The following LRP5 variants were observed in gnomAD, a reference collection of about 807,000 sequenced individuals.
LRP5 encodes low-density lipoprotein receptor-related protein 5.
Under a neutral mutation model 154.1 loss-of-function variants are expected in LRP5, and 62 were observed. The observed-to-expected ratio is 0.40, with a 90% CI of 0.33 to 0.50. The LOEUF is 0.50. Among genes scored for constraint, LRP5 ranks in the 20% least tolerant of loss-of-function variants. LRP5 has a pLI of 0.55. For synonymous variants in LRP5, 966 were observed against 1,011.5 expected, an observed-to-expected ratio of 0.96 and a Z score of 0.85; for missense variants, 1,915 against 2,336.7, an observed-to-expected ratio of 0.82 and a Z score of 3.72.
chr11:68,386,469 C>A lies in LRP5; in HGVS notation c.1169C>A (p.Thr390Lys), dbSNP rs2098643093. The part of the protein sequence containing the change: ...YDPLEGYVYW[T>K]DDEVRAIRRA... Reference sequence around the variant, plus strand: ...CCGCTAGAGGGCTATGTCTACTGGACAGATGACGAGGTGCGGGCCATCCGC... The same window carrying A: ...CCGCTAGAGGGCTATGTCTACTGGAAAGATGACGAGGTGCGGGCCATCCGC... Residue 390 changes from threonine (T) to lysine (K), a missense_variant, in exon 6 of 23, where the codon ACA (threonine) becomes AAA (lysine). Around this residue, in one of 3 missense-constraint regions of LRP5, gnomAD observed 773 missense variants for 1,100.9 expected, o/e 0.70. Coordinates refer to ENST00000294304, the MANE Select transcript of LRP5 (RefSeq NM_002335.4). This position sits in a 1 kb window ranked among gnomAD's most constrained non-coding sequence, Gnocchi z 7.9. 1 of 1,614,002 alleles carries A rather than the reference C, an allele frequency of 6.2e-7. No homozygotes were observed. The highest frequency in any genetic ancestry group is 1.7e-5 in the Admixed American group (1 of 60,014).
chr11:68,384,917 C>T (rs541755485), intron 5 of LRP5, among the ~76,000 whole-genome samples: 19 of 152,304 alleles, frequency 1.2e-4, no homozygotes, highest in South Asian at 6.2e-4. Flanking sequence ...CCGTCCACAG[C>T]GGATCCCTGG....
At chr11:68,314,024 T>C (rs2098591010) in intron 1 of LRP5, among the ~76,000 whole-genome samples, 1 of 152,184 alleles carries the variant, frequency 6.6e-6, no homozygotes, top group South Asian at 2.1e-4. Flanking sequence ...ACCCCAAATC[T>C]GCCTCTTTCA....
At chr11:68,336,371 G>A (rs1210565903) in intron 1 of LRP5, among the ~76,000 whole-genome samples, 1 of 152,222 alleles carries the variant, frequency 6.6e-6, no homozygotes, top group Non-Finnish European at 1.5e-5. Flanking sequence ...ACAAATTCCT[G>A]AATGAGGGCT....
chr11:68,421,023 A>G (rs777397089), intron 13 of LRP5, among the ~76,000 whole-genome samples: 111 of 152,182 alleles, frequency 7.3e-4, no homozygotes, highest in Admixed American at 3.9e-3. Flanking sequence ...TCAGGAGATC[A>G]AGACCATCCT....
At chr11:68,340,460 CTA>C (rs2098608286) in intron 1 of LRP5, among the ~76,000 whole-genome samples, 25 of 152,184 alleles carry the variant, frequency 1.6e-4, no homozygotes, top group Admixed American at 1.6e-3. Context: ...ATGAAAACCA[CTA>C]CCCCCTCCCG....
rs751688462 is a variant in LRP5 at position 68,357,823 on chromosome 11, G to A, written c.662G>A (p.Arg221His). The change falls in exon 3 of 23, where the codon CGT becomes CAT. Residue 221 changes from arginine to histidine, a missense_variant. Coordinates refer to ENST00000294304, the MANE Select transcript of LRP5 (RefSeq NM_002335.4). Reference protein sequence around the residue: ...WADAKLSFIHRANLDGSFRQK... With the variant: ...WADAKLSFIHHANLDGSFRQK... ...GACGCCAAGCTCAGCTTCATCCACC[G>A]TGCCAACCTGGACGGCTCGTTCCGG... is the stretch of plus-strand genomic sequence containing the variant. 15 of 1,613,290 alleles carry A rather than the reference G, an allele frequency of 9.3e-6. No homozygotes were observed. Among genetic ancestry groups the A allele is most frequent in the Non-Finnish European group, 1.1e-5 (13 of 1,179,678 alleles).
chr11:68,394,917 G>A (rs1328599282), intron 7 of LRP5, among the ~76,000 whole-genome samples: 3 of 152,198 alleles, frequency 2.0e-5, no homozygotes, highest in Admixed American at 1.3e-4. Flanking sequence ...GGGAACAGGC[G>A]GAGGTCACAT....
At position 68,371,409 on chromosome 11, in the gene LRP5, G is replaced by A. The variant is rs560866742; in HGVS notation, c.1015+5707G>A. ...GACCTGTGAGCGGGGCCAGAATGGG[G>A]CGCGGGCTTCAGACTTCACAAAGCA... On this transcript the variant is annotated intron_variant, in intron 5 of 22. Transcript: ENST00000294304. 2.0e-5 allele frequency among the ~76,000 whole-genome samples: 3 copies of A among 152,352 alleles called. No individual in the cohort carries two copies. The South Asian group carries it at 6.2e-4, about 32-fold the overall frequency.
intron 21 of LRP5, among the ~76,000 whole-genome samples, chr11:68,446,021 A>G (rs1408920239): frequency 1.3e-5 from 2 of 152,122 alleles, no homozygotes; most frequent in East Asian, 1.9e-4. Context: ...TCAGAAGGAG[A>G]GTTCCTGGGA....
At chr11:68,448,600 G>A (rs1026385776) in intron 22 of LRP5, among the ~76,000 whole-genome samples, 8 of 152,202 alleles carry the variant, frequency 5.3e-5, no homozygotes, top group Non-Finnish European at 1.5e-5. Flanking sequence ...GCAGGTGCGG[G>A]CATGCCCATG....
chr11:68,448,754 C>T, intron 22 of LRP5, 55 bp from the exon 23 acceptor site: 1 of 1,597,572 alleles, frequency 6.3e-7, no homozygotes, highest in Non-Finnish European at 8.5e-7. Flanking sequence ...GCTGCTGTGC[C>T]CACCAGGGCG....
At position 68,438,672 on chromosome 11, in the gene LRP5, C is replaced by T. The variant is rs777631951; in HGVS notation, c.4338C>T (p.Gly1446=). 32 of 1,612,138 alleles carry T rather than the reference C, an allele frequency of 2.0e-5. No individual in the cohort carries two copies. Among genetic ancestry groups the T allele is most frequent in the Non-Finnish European group, 2.5e-5 (29 of 1,179,860 alleles). The change falls in exon 20 of 23, where the codon GGC becomes GGT. Residue 1446 remains glycine, a synonymous_variant. Coordinates refer to ENST00000294304, the MANE Select transcript of LRP5 (RefSeq NM_002335.4). The part of the protein sequence containing the change: ...NFIAPGGSQH[G]PFTGIACGKS... ...TAGCCCCGGGCGGTTCCCAGCATGG[C>T]CCCTTCACAGGTAAGGAGCCTGAGA...
At chr11:68,425,955 G>A in intron 15 of LRP5, 23 bp from the exon 16 acceptor site, 1 of 1,604,408 alleles carries the variant, frequency 6.2e-7, no homozygotes, top group Middle Eastern at 1.7e-4. Flanking sequence ...CACTGCTCAG[G>A]GGGGCCCACG....
At chr11:68,315,359 A>G (rs2098592469) in intron 1 of LRP5, among the ~76,000 whole-genome samples, 1 of 152,192 alleles carries the variant, frequency 6.6e-6, no homozygotes, top group African/African-American at 2.4e-5. Context: ...ATGACCTTGG[A>G]CATCCAGTCC....
chr11:68,425,466 C>A (rs2098668232), intron 15 of LRP5, among the ~76,000 whole-genome samples, 174 bp downstream of exon 15: 2 of 152,214 alleles, frequency 1.3e-5, no homozygotes, highest in Non-Finnish European at 2.9e-5. Context: ...CTGAGTGAGC[C>A]CCACAGGGCA....
At chr11:68,349,503 C>T (rs1425627757) in intron 2 of LRP5, among the ~76,000 whole-genome samples, 1 of 152,142 alleles carries the variant, frequency 6.6e-6, no homozygotes, top group Non-Finnish European at 1.5e-5. Context: ...ATTGCATTGG[C>T]TGAAAAAGTG....
At chr11:68,362,458 G>A (rs549851929) in intron 3 of LRP5, among the ~76,000 whole-genome samples, 5 of 152,282 alleles carry the variant, frequency 3.3e-5, no homozygotes, top group African/African-American at 1.2e-4. Flanking sequence ...CAAGGCGGGT[G>A]GATCGCCTGA....
intron 1 of LRP5, among the ~76,000 whole-genome samples, chr11:68,319,348 G>A (rs1207541668): frequency 7.9e-5 from 12 of 151,818 alleles, no homozygotes; most frequent in Admixed American, 4.6e-4. Context: ...GATTACAGGC[G>A]TGAGCCACCA....
At chr11:68,370,266 C>T (rs936523630) in intron 5 of LRP5, among the ~76,000 whole-genome samples, 33 of 152,132 alleles carry the variant, frequency 2.2e-4, no homozygotes, top group Non-Finnish European at 7.4e-5. Flanking sequence ...AAGGGCATTG[C>T]GCTCCTTCTG....
Sources: gnomAD v4.1 joint callset for allele counts (sites outside exome capture counted in the v4.1 genomes callset) on GRCh38, gnomAD v4.1.1 for gene constraint, gnomAD v4.1.1 regional missense constraint, Gnocchi (gnomAD v3.1) non-coding constraint, MANE v1.5 for transcripts, NCBI Gene and HGNC (gene_info 2026-07-23, HGNC 2026-07-21) for gene names.